The following RAB29 variants were observed in gnomAD, a reference collection of about 807,000 sequenced individuals.
RAB29 encodes the protein RAB29, member RAS oncogene family.
A neutral mutation model predicts 25.5 loss-of-function variants in RAB29; 13 were observed. That is an observed-to-expected ratio of 0.51 (90% CI 0.33 to 0.81). RAB29 has a LOEUF of 0.81. RAB29 is among the 30% of genes least tolerant of loss of function. The pLI is 0.02. For missense variants in RAB29, 201 were observed against 254.9 expected (o/e 0.79, Z 1.44); for synonymous variants, 88 against 95.0 (o/e 0.93, Z 0.43).
At chr1:205,771,286 G>A (rs1571614367) in intron 4 of RAB29, 186 bp downstream of exon 4, 22 of 697,990 alleles carry the variant, frequency 3.2e-5, no homozygotes, top group South Asian at 1.6e-4. Flanking sequence ...GCAACAGAGC[G>A]AGACTCCGTC....
chr1:205,772,890 ATTTAGGGGGTTT>A (rs2102479616), intron 2 of RAB29, among the ~76,000 whole-genome samples: 1 of 149,262 alleles, frequency 6.7e-6, no homozygotes, highest in South Asian at 2.1e-4. Flanking sequence ...TTTCTGGGAG[ATTTAGGGGGTTT>A]TCTCAGGGAA....
In RAB29 at chr1:205,770,206, G is replaced by C. The variant is rs1176051919; in HGVS notation, c.*136C>G. ...CATGGGTTCCAGGTGTCTTTTCTAAGTGACAATGGGCCTCCTTACTGGACA... is the reference window on the plus strand; with the variant it reads ...CATGGGTTCCAGGTGTCTTTTCTAACTGACAATGGGCCTCCTTACTGGACA... On this transcript the variant is annotated 3_prime_UTR_variant, in exon 6 of 6. Coordinates refer to ENST00000367139, the MANE Select transcript of RAB29 (RefSeq NM_003929.3). 3 of 734,276 alleles carry C rather than the reference G, an allele frequency of 4.1e-6. No individual in the cohort carries two copies. The African/African-American group carries it at 5.3e-5, about 13-fold the overall frequency. 45.5% of individuals were successfully genotyped at this position (734,276 alleles called of 1,614,324 possible). A position where few individuals can be genotyped will look rare whatever the true frequency, so the allele number is the denominator to read the frequency against.
Position 205,770,357 on chromosome 1 carries a change from G to T in RAB29, c.597C>A (p.Ser199Arg). ...DYINLQTKSS[S>R]WSCC The stretch of plus-strand genomic sequence containing the variant: ...CCAAACACTACTAGCAGCAGGACCA[G>T]CTGGAGGACTTGGTTTGTAGATTGA... The change falls in exon 6 of 6, where the codon AGC becomes AGA. Residue 199 changes from serine to arginine, a missense_variant. Physicochemically the swap from Ser to Arg is moderately radical, Grantham distance 110 (BLOSUM62 -1). Transcript: ENST00000367139. 1.2e-6 allele frequency: 2 copies of T among 1,613,486 alleles called. No individual in the cohort carries two copies. Among genetic ancestry groups the T allele is most frequent in the Non-Finnish European group, 1.7e-6 (2 of 1,179,368 alleles).
chr1:205,772,535 C>T lies in RAB29; in HGVS notation c.157G>A (p.Asp53Asn). Residue 53 changes from aspartate to asparagine, a missense_variant, in exon 3 of 6, where the codon GAC becomes AAC. Physicochemically the swap from Asp to Asn is conservative, Grantham distance 23. Transcript: ENST00000367139. ...AGCTGAAGCCGCACTATCTCGTAGT[C>T]AGACCACTGGAGAACCTTCAGAGCA... is the stretch of plus-strand genomic sequence containing the variant. Reference protein sequence around the residue: ...DFALKVLQWSDYEIVRLQLWD... With the variant: ...DFALKVLQWSNYEIVRLQLWD... The T allele has an allele frequency of 2.5e-6, 4 of 1,614,016 alleles. No homozygotes were observed. The highest frequency in any genetic ancestry group is 3.4e-6 in the Non-Finnish European group (4 of 1,179,954).
At chr1:205,771,368 C>T (rs1275868582) in intron 4 of RAB29, 104 bp downstream of exon 4, 13 of 1,386,426 alleles carry the variant, frequency 9.4e-6, no homozygotes, top group East Asian at 2.3e-5. Context: ...GATGATTTTG[C>T]CAACTTAAGA....
In RAB29 at chr1:205,770,018, G is replaced by T; in HGVS notation, c.*324C>A. 1 of 349,408 alleles carries T rather than the reference G, an allele frequency of 2.9e-6. No homozygotes were observed. Among genetic ancestry groups the T allele is most frequent in the Non-Finnish European group, 5.3e-6 (1 of 188,672 alleles). The allele number at this position is 349,408 out of a possible 1,614,324, so 21.6% of individuals were successfully genotyped here. On this transcript the variant is annotated 3_prime_UTR_variant, in exon 6 of 6. Coordinates refer to ENST00000367139, the MANE Select transcript of RAB29 (RefSeq NM_003929.3). Reference sequence around the variant, plus strand: ...GAAAAATAAGCTCAGAAGTAGGTGAGAATTATGATCTCTAAAACGCAGGTG... The same window carrying T: ...GAAAAATAAGCTCAGAAGTAGGTGATAATTATGATCTCTAAAACGCAGGTG...
intron 5 of RAB29, 27 bp from the exon 6 acceptor site, chr1:205,770,480 A>G: frequency 6.3e-7 from 1 of 1,582,502 alleles, no homozygotes; most frequent in Non-Finnish European, 8.7e-7. Context: ...AAGCCTGAGA[A>G]GCTTATTTTG....
chr1:205,773,955 G>T (rs1312029639), intron 2 of RAB29, among the ~76,000 whole-genome samples: 1 of 152,104 alleles, frequency 6.6e-6, no homozygotes, highest in Non-Finnish European at 1.5e-5. Context: ...TTAACAGAGA[G>T]AAATAAAATT....
intron 4 of RAB29, chr1:205,771,099 C>A (rs572038990): frequency 4.1e-6 from 2 of 491,254 alleles, no homozygotes; most frequent in East Asian, 4.2e-5. Context: ...GAGAGCGAGA[C>A]CATCCTGGCT....
intron 1 of RAB29, 29 bp downstream of exon 1, chr1:205,775,244 T>C (rs906028181): frequency 2.5e-5 from 9 of 359,484 alleles, no homozygotes; most frequent in African/African-American, 1.1e-4. Flanking sequence ...GCCGAGAAAC[T>C]GGACCAGGCG....
chr1:205,770,603 C>T, intron 5 of RAB29, 130 bp downstream of exon 5: 1 of 1,481,764 alleles, frequency 6.7e-7, no homozygotes, highest in East Asian at 2.3e-5. Context: ...AGACAGTATC[C>T]CTGACCTTTA....
At chr1:205,773,798 A>G (rs1272823882) in intron 2 of RAB29, among the ~76,000 whole-genome samples, 1 of 152,150 alleles carries the variant, frequency 6.6e-6, no homozygotes, top group Non-Finnish European at 1.5e-5. Flanking sequence ...GAACCACGGT[A>G]CTGGGCCCTA....
At chr1:205,774,794 CTCCT>C in intron 2 of RAB29, 35 bp downstream of exon 2, 8 of 1,419,262 alleles carry the variant, frequency 5.6e-6, no homozygotes, top group Non-Finnish European at 6.8e-6. Flanking sequence ...TCGGGGCCTC[CTCCT>C]CCCCCTCCCC....
In RAB29 at chr1:205,775,276, G is replaced by C; in HGVS notation, c.-134C>G. On this transcript the variant is annotated 5_prime_UTR_variant, in exon 1 of 6. Transcript: ENST00000367139. ...GGCGCCGCGGAACCTCACCCACCGG[G>C]ACTTCCCCCGAGCGGCTCCAAGTCA... 3.3e-6 allele frequency: 1 copy of C among 307,120 alleles called. No homozygotes were observed. The highest frequency in any genetic ancestry group is 4.6e-5 in the Admixed American group (1 of 21,674). The allele number at this position is 307,120 out of a possible 1,614,324, so 19.0% of individuals were successfully genotyped here.
intron 4 of RAB29, 33 bp from the exon 5 acceptor site, chr1:205,770,887 T>C (rs1654961220): frequency 1.9e-6 from 3 of 1,612,886 alleles, no homozygotes; most frequent in Non-Finnish European, 8.5e-7. Context: ...GGCAGTATCA[T>C]AAACTTCCTG....
intron 3 of RAB29, 123 bp from the exon 4 acceptor site, chr1:205,771,776 G>A: frequency 1.0e-6 from 1 of 987,210 alleles, no homozygotes; most frequent in Non-Finnish European, 1.6e-6. Context: ...CTGACTCTTG[G>A]TTTTCTATCC....
rs776584884 is a variant in RAB29 at position 205,772,532 on chromosome 1, A to G, written c.160T>C (p.Tyr54His). Residue 54 changes from tyrosine to histidine, a missense_variant, in exon 3 of 6, where the codon TAC becomes CAC. By Grantham distance (83) the Tyr-to-His change is moderately conservative. Transcript: ENST00000367139. ...CACAGCTGAAGCCGCACTATCTCGTAGTCAGACCACTGGAGAACCTTCAGA... is the reference window on the plus strand; with the variant it reads ...CACAGCTGAAGCCGCACTATCTCGTGGTCAGACCACTGGAGAACCTTCAGA... ...FALKVLQWSD[Y>H]EIVRLQLWDI... The G allele has an allele frequency of 1.4e-5, 23 of 1,613,948 alleles. No individual in the cohort carries two copies. The highest frequency in any genetic ancestry group is 1.9e-5 in the Non-Finnish European group (23 of 1,179,974).
intron 2 of RAB29, 113 bp downstream of exon 2, chr1:205,774,720 A>C (rs1655209791): frequency 4.2e-6 from 5 of 1,179,352 alleles, no homozygotes. Flanking sequence ...TCCTGACCCG[A>C]AGAAGGACCC....
At chr1:205,770,479 A>C (rs1388785200) in intron 5 of RAB29, 26 bp from the exon 6 acceptor site, 8 of 1,594,680 alleles carry the variant, frequency 5.0e-6, no homozygotes, top group Middle Eastern at 1.7e-4. Context: ...TAAGCCTGAG[A>C]AGCTTATTTT....
Sources: allele counts gnomAD v4.1 joint callset (sites outside exome capture counted in the v4.1 genomes callset), GRCh38; gene constraint gnomAD v4.1.1; transcripts MANE v1.5; gene names NCBI Gene and HGNC (gene_info 2026-07-23, HGNC 2026-07-21).